The following ROBO1 variants were observed in gnomAD, a reference collection of about 807,000 sequenced individuals.
ROBO1 encodes roundabout homolog 1.
ROBO1 carries 149 observed loss-of-function variants against 195.9 expected under a neutral mutation model. The ratio of observed to expected loss-of-function variants is 0.76; its 90% CI spans 0.67 to 0.87. The LOEUF (loss-of-function observed/expected upper bound fraction) is 0.87. ROBO1 is among the 40% of genes least tolerant of loss of function. The probability of loss-of-function intolerance (pLI) is 0.00; values close to 1 mark genes in which losing one functional copy is unlikely to be tolerated. For synonymous variants in ROBO1, 816 were observed against 733.2 expected, an observed-to-expected ratio of 1.11 and a Z score of -1.82; for missense variants, 1,933 against 2,068.3, an observed-to-expected ratio of 0.93 and a Z score of 1.27.
rs1203119842 is a variant in ROBO1, at chr3:78,598,723, G to T, written c.*190C>A. ...GGGGAATAGGAAGGCTCTTTGTAGG[G>T]TTAGGGATCAAACAACAACAATAAA... On this transcript the variant is annotated 3_prime_UTR_variant, in exon 31 of 31. Transcript: ENST00000464233. 2 of 417,960 alleles carry T rather than the reference G, an allele frequency of 4.8e-6. No individual in the cohort carries two copies. The highest frequency in any genetic ancestry group is 4.3e-6 in the Non-Finnish European group (1 of 234,132). The allele number at this position is 417,960 out of a possible 1,614,324, so 25.9% of individuals were successfully genotyped here.
intron 2 of ROBO1, among the ~76,000 whole-genome samples, chr3:79,192,769 TTTA>T (rs2081563196): frequency 6.6e-6 from 1 of 151,554 alleles, no homozygotes. Context: ...AAAATAATCT[TTTA>T]CTTAAGAGGA....
Position 78,746,756 on chromosome 3 carries a change from T to C in ROBO1, c.644A>G (p.Asp215Gly), listed in dbSNP as rs749280806. The C allele has an allele frequency of 1.3e-5, 20 of 1,534,198 alleles. No individual in the cohort carries two copies. The highest frequency in any genetic ancestry group is 1.2e-5 in the South Asian group (1 of 80,662). ...KKDGSPLDDK[D>G]ERITIRGGKL... ...TTAAATACTCACAGTTATTCTTTCA[T>C]CTTTATCATCCAGTGGAGAGCCATC... Residue 215 changes from aspartate to glycine, a missense_variant, in exon 5 of 31, where the codon GAT becomes GGT. Asp to Gly is a moderately conservative substitution (Grantham distance 94). Transcript: ENST00000464233.
chr3:78,651,562 A>G, intron 19 of ROBO1, among the ~76,000 whole-genome samples, 170 bp downstream of exon 19: 1 of 152,202 alleles, frequency 6.6e-6, no homozygotes, highest in South Asian at 2.1e-4. Flanking sequence ...TCTGCTATGT[A>G]AGAGAAGTTA....
At chr3:79,614,228 C>A (rs2107936842) in intron 1 of ROBO1, among the ~76,000 whole-genome samples, 1 of 152,126 alleles carries the variant, frequency 6.6e-6, no homozygotes, top group South Asian at 2.1e-4. Flanking sequence ...ACACATTCTG[C>A]AAGACAGTGC....
intron 2 of ROBO1, among the ~76,000 whole-genome samples, chr3:79,160,234 A>ATG (rs142663481): frequency 0.11 from 15,960 of 148,300 alleles, 983 homozygotes; most frequent in African/African-American, 0.18. Context: ...CTTTAAAAAA[A>ATG]TGTGTGTGTG....
intron 3 of ROBO1, among the ~76,000 whole-genome samples, chr3:78,988,922 A>T (rs973484551): frequency 1.3e-5 from 2 of 152,190 alleles, no homozygotes; most frequent in African/African-American, 4.8e-5. Flanking sequence ...TACCAAAAAA[A>T]GGTGCTGGGA....
chr3:79,410,548 T>G (rs998017887), intron 2 of ROBO1, among the ~76,000 whole-genome samples: 2 of 150,652 alleles, frequency 1.3e-5, no homozygotes, highest in Non-Finnish European at 2.9e-5. Context: ...CCTATAGACA[T>G]GCCTTTTCTG....
intron 4 of ROBO1, among the ~76,000 whole-genome samples, chr3:78,891,747 C>T (rs2036909511): frequency 6.6e-6 from 1 of 152,126 alleles, no homozygotes; most frequent in Admixed American, 6.5e-5. Context: ...ACATAGAATT[C>T]CACTCAGCAA....
intron 28 of ROBO1, among the ~76,000 whole-genome samples, chr3:78,609,474 A>G (rs188537437): frequency 3.7e-4 from 57 of 152,346 alleles, no homozygotes; most frequent in African/African-American, 1.1e-3. Context: ...TGGTGACCAG[A>G]TAAAAAGGAC....
At chr3:79,163,761 T>C (rs2108673375) in intron 2 of ROBO1, among the ~76,000 whole-genome samples, 1 of 152,274 alleles carries the variant, frequency 6.6e-6, no homozygotes, top group East Asian at 1.9e-4. Flanking sequence ...GAGAGGCTTT[T>C]ACTCATCTTG....
chr3:78,825,755 TATCA>T (rs2031535186), intron 4 of ROBO1, among the ~76,000 whole-genome samples: 1 of 152,172 alleles, frequency 6.6e-6, no homozygotes, highest in African/African-American at 2.4e-5. Flanking sequence ...CTGATTTGGT[TATCA>T]AGTGCAAAAG....
At chr3:79,489,547 C>A (rs934427987) in intron 2 of ROBO1, among the ~76,000 whole-genome samples, 7 of 150,386 alleles carry the variant, frequency 4.7e-5, no homozygotes, top group Non-Finnish European at 8.9e-5. Flanking sequence ...CCCAGCTACT[C>A]GGGAGGCTGA....
At chr3:78,981,758 T>C (rs1195834398) in intron 3 of ROBO1, among the ~76,000 whole-genome samples, 1 of 149,552 alleles carries the variant, frequency 6.7e-6, no homozygotes, top group Non-Finnish European at 1.5e-5. Flanking sequence ...CCTTCTCTCA[T>C]TTCTCCGCTC....
chr3:79,607,811 G>T (rs1055302984), intron 1 of ROBO1, among the ~76,000 whole-genome samples: 1 of 151,842 alleles, frequency 6.6e-6, no homozygotes, highest in Non-Finnish European at 1.5e-5. Flanking sequence ...GCATACTCAC[G>T]TGCGTGGCTC....
intron 2 of ROBO1, among the ~76,000 whole-genome samples, chr3:79,474,988 G>C (rs541410710): frequency 3.9e-5 from 6 of 151,968 alleles, no homozygotes; most frequent in African/African-American, 1.4e-4. Flanking sequence ...ATTAAAACTG[G>C]CTGAAATTGT....
chr3:79,491,948 C>A (rs1003848455), intron 2 of ROBO1, among the ~76,000 whole-genome samples: 1 of 151,896 alleles, frequency 6.6e-6, no homozygotes, highest in Admixed American at 6.6e-5. Flanking sequence ...ATGCTTACAG[C>A]AGTAGTGTGA....
chr3:79,205,936 ATG>A (rs2081857900), intron 2 of ROBO1, among the ~76,000 whole-genome samples: 1 of 152,246 alleles, frequency 6.6e-6, no homozygotes, highest in African/African-American at 2.4e-5. Flanking sequence ...CTAGGTAGGT[ATG>A]TGAACTAGTA....
At chr3:78,759,351 C>G (rs771702580) in intron 4 of ROBO1, 2 of 150,500 alleles carry the variant, frequency 1.3e-5, no homozygotes, top group Non-Finnish European at 2.9e-5. Context: ...TCATCAAAGA[C>G]TACTTCAAAT....
intron 4 of ROBO1, among the ~76,000 whole-genome samples, chr3:78,879,996 T>TA (rs1208057589): frequency 1.3e-5 from 2 of 152,202 alleles, no homozygotes; most frequent in African/African-American, 4.8e-5. Flanking sequence ...TCCACAGTGA[T>TA]ATATAATGTA....
Sources: gnomAD v4.1 joint callset for allele counts (sites outside exome capture counted in the v4.1 genomes callset) on GRCh38, gnomAD v4.1.1 for gene constraint, MANE v1.5 for transcripts, NCBI Gene and HGNC (gene_info 2026-07-23, HGNC 2026-07-21) for gene names.